Variants in ATP13A3 observed in about 807,000 individuals in gnomAD.
The protein encoded by ATP13A3 is polyamine-transporting ATPase 13A3.
In ATP13A3, 59 loss-of-function variants were observed where a neutral mutation model predicts 158.1. That is an observed-to-expected ratio of 0.37 (90% confidence interval 0.30 to 0.46). The LOEUF is 0.46. Ranked by LOEUF, ATP13A3 falls within the 20% of genes least tolerant of loss-of-function variation. The probability of loss-of-function intolerance (pLI) is 1.00; values close to 1 mark genes in which losing one functional copy is unlikely to be tolerated. For synonymous variants in ATP13A3, 491 were observed against 504.3 expected (o/e 0.97, Z 0.35); for missense variants, 1,166 against 1,525.2 (o/e 0.76, Z 3.92).
chr3:194,458,752 C>T (rs1163357955), intron 6 of ATP13A3, among the ~76,000 whole-genome samples: 2 of 152,086 alleles, frequency 1.3e-5, no homozygotes, highest in African/African-American at 4.8e-5. Flanking sequence ...TGTAAAAATG[C>T]CCATGCCCAT....
intron 2 of ATP13A3, among the ~76,000 whole-genome samples, chr3:194,464,766 T>G (rs961598613): frequency 3.3e-5 from 5 of 152,180 alleles, no homozygotes; most frequent in African/African-American, 4.8e-5. Flanking sequence ...CACCGGGGTC[T>G]GTTTTGGTTT....
intron 30 of ATP13A3, 148 bp from the exon 31 acceptor site, chr3:194,420,115 T>C (rs1421507802): frequency 2.4e-6 from 2 of 829,478 alleles, no homozygotes; most frequent in Non-Finnish European, 3.3e-6. Flanking sequence ...TGCTCTGTTA[T>C]CTCCTGGAGT....
intron 20 of ATP13A3, among the ~76,000 whole-genome samples, chr3:194,435,822 G>A (rs538771638): frequency 3.9e-5 from 6 of 152,292 alleles, no homozygotes; most frequent in South Asian, 2.1e-4. Flanking sequence ...AAGGAGAATC[G>A]CTTGAACCCG....
chr3:194,478,488 G>A (rs1052367272), intron 2 of ATP13A3, among the ~76,000 whole-genome samples: 7 of 152,018 alleles, frequency 4.6e-5, no homozygotes, highest in Admixed American at 3.9e-4. Flanking sequence ...AACCCAAGCA[G>A]GGGAACTGCC....
At chr3:194,425,066 C>T (rs1716665738) in intron 30 of ATP13A3, among the ~76,000 whole-genome samples, 1 of 152,210 alleles carries the variant, frequency 6.6e-6, no homozygotes, top group Non-Finnish European at 1.5e-5. Context: ...CACTTCCCAT[C>T]CTAACTCCCT....
intron 33 of ATP13A3, among the ~76,000 whole-genome samples, chr3:194,408,102 C>G (rs528407777): frequency 2.0e-5 from 3 of 151,886 alleles, no homozygotes; most frequent in East Asian, 3.9e-4. Context: ...TCACTGCAAC[C>G]ACTGTCTCCC....
intron 30 of ATP13A3, among the ~76,000 whole-genome samples, chr3:194,425,073 C>T (rs1372259682): frequency 6.6e-6 from 1 of 152,214 alleles, no homozygotes; most frequent in Non-Finnish European, 1.5e-5. Context: ...CATCCTAACT[C>T]CCTCCACAAT....
At chr3:194,457,785 CTTTTT>C (rs147162535) in intron 6 of ATP13A3, among the ~76,000 whole-genome samples, 1 of 127,910 alleles carries the variant, frequency 7.8e-6, no homozygotes, top group African/African-American at 3.0e-5. Flanking sequence ...CTTAATTATG[CTTTTT>C]TTTTTTTTTT....
At chr3:194,455,100 A>G (rs933337756) in intron 8 of ATP13A3, among the ~76,000 whole-genome samples, 5 of 152,220 alleles carry the variant, frequency 3.3e-5, no homozygotes, top group Admixed American at 6.5e-5. Context: ...CTTACTATAA[A>G]CTCAAAACAC....
chr3:194,475,396 G>C (rs11928609), intron 2 of ATP13A3, among the ~76,000 whole-genome samples: 12,949 of 152,088 alleles, frequency 0.085, 1,543 homozygotes, highest in African/African-American at 0.27. Context: ...AAAATCACTA[G>C]GAAGCTATTC....
intron 6 of ATP13A3, among the ~76,000 whole-genome samples, chr3:194,458,270 AAT>A (rs1719383152): frequency 6.6e-6 from 1 of 152,126 alleles, no homozygotes; most frequent in Non-Finnish European, 1.5e-5. Context: ...ACACACAGTA[AAT>A]ATGTTTGACA....
At chr3:194,436,398 CATT>C (rs1717639440) in intron 20 of ATP13A3, among the ~76,000 whole-genome samples, 1 of 152,138 alleles carries the variant, frequency 6.6e-6, no homozygotes. Context: ...TACTATGACT[CATT>C]ATATTCTGAT....
Position 194,412,218 on chromosome 3 carries a change from C to T in ATP13A3, c.3554G>A (p.Ser1185Asn). The change falls in exon 33 of 34, where the codon AGC becomes AAC. Residue 1185 changes from serine to asparagine, a missense_variant. By Grantham distance (46) the Ser-to-Asn change is conservative. Coordinates refer to ENST00000645319, the MANE Select transcript of ATP13A3 (RefSeq NM_001367549.1). ...NRDKQGEYRF[S>N]TTQPPQESVD... The stretch of plus-strand genomic sequence containing the variant: ...TCCAACCTGCGGTGGCTGTGTGGTG[C>T]TGAACCGATACTCTCCTTGTTTGTC... The T allele has an allele frequency of 6.5e-7, 1 of 1,536,262 alleles. No homozygotes were observed. Among genetic ancestry groups the T allele is most frequent in the Non-Finnish European group, 8.7e-7 (1 of 1,146,928 alleles).
intron 2 of ATP13A3, among the ~76,000 whole-genome samples, chr3:194,472,326 G>A (rs972176113): frequency 2.0e-5 from 3 of 151,312 alleles, no homozygotes; most frequent in Non-Finnish European, 4.4e-5. Context: ...AATTCAACAT[G>A]AACTATGATG....
At chr3:194,475,197 T>C (rs968349598) in intron 2 of ATP13A3, among the ~76,000 whole-genome samples, 26 of 152,240 alleles carry the variant, frequency 1.7e-4, no homozygotes, top group African/African-American at 5.3e-4. Flanking sequence ...CAGAAATGTT[T>C]GTTTTTTCTT....
intron 15 of ATP13A3, among the ~76,000 whole-genome samples, chr3:194,444,379 T>G (rs1718252948): frequency 1.3e-5 from 2 of 152,248 alleles, no homozygotes; most frequent in South Asian, 4.1e-4. Context: ...CATGGATAAA[T>G]CTTGAAAACA....
intron 1 of ATP13A3, among the ~76,000 whole-genome samples, chr3:194,486,149 G>T (rs1720958782): frequency 6.6e-6 from 1 of 152,126 alleles, no homozygotes; most frequent in Non-Finnish European, 1.5e-5. Context: ...TCCTCCACGG[G>T]ACTCACTCCT....
chr3:194,445,780 TTG>T (rs1486954445), intron 14 of ATP13A3, among the ~76,000 whole-genome samples: 1 of 152,208 alleles, frequency 6.6e-6, no homozygotes, highest in Non-Finnish European at 1.5e-5. Flanking sequence ...CCAGAAAAGT[TTG>T]ATAGAAGGTT....
chr3:194,433,949 C>T (rs1273075811), intron 20 of ATP13A3, 53 bp from the exon 21 acceptor site: 5 of 1,528,004 alleles, frequency 3.3e-6, no homozygotes, highest in Non-Finnish European at 3.6e-6. Context: ...GAGTAAGCAA[C>T]TTATGTACAC....
Sources: gnomAD v4.1 joint callset for allele counts (sites outside exome capture counted in the v4.1 genomes callset) on GRCh38, gnomAD v4.1.1 for gene constraint, MANE v1.5 for transcripts, NCBI Gene and HGNC (gene_info 2026-07-23, HGNC 2026-07-21) for gene names.